Variants in ATP2B4 observed in about 807,000 individuals in gnomAD.
ATP2B4 encodes ATPase plasma membrane Ca2+ transporting 4.
In ATP2B4, 39 loss-of-function variants were observed where a neutral mutation model predicts 110.3. The observed-to-expected ratio is 0.35, with a 90% CI of 0.27 to 0.46. ATP2B4 has a LOEUF of 0.46. Among genes scored for constraint, ATP2B4 ranks in the 20% least tolerant of loss-of-function variants. ATP2B4 has a pLI of 1.00. For missense variants in ATP2B4, 1,135 were observed against 1,530.9 expected (o/e 0.74, Z 4.32); for synonymous variants, 538 against 571.7 (o/e 0.94, Z 0.84).
chr1:203,657,042 A>G lies in ATP2B4; in HGVS notation c.-464-25700A>G, dbSNP rs773399552. ...TAACCTGAGCATATTTTCTCCAAAT[A>G]ACTTTGCCTCCTTGTGTCACAAGGC... On this transcript the variant is annotated intron_variant, in intron 1 of 20. Transcript: ENST00000357681. 3.5e-5 allele frequency: 28 copies of G among 791,224 alleles called. No individual in the cohort carries two copies. The Admixed American group carries it at 4.5e-4, about 13-fold the overall frequency. The allele number at this position is 791,224 out of a possible 1,614,324, so 49.0% of individuals were successfully genotyped here.
Position 203,740,084 on chromosome 1 carries a change from G to T in ATP2B4, c.*230G>T. ...CGGGACCCAGTCAAACCCCATTCAG[G>T]TCATGGTAGAATCTACTCCTTGGTA... is the stretch of plus-strand genomic sequence containing the variant. On this transcript the variant is annotated 3_prime_UTR_variant, in exon 21 of 21. Transcript: ENST00000357681. 3.7e-6 allele frequency: 2 copies of T among 535,448 alleles called. 1 individual carries two copies. The highest frequency in any genetic ancestry group is 5.2e-5 in the South Asian group (2 of 38,432). 33.2% of individuals were successfully genotyped at this position (535,448 alleles called of 1,614,324 possible).
At chr1:203,691,478 A>C (rs900984471) in intron 2 of ATP2B4, among the ~76,000 whole-genome samples, 1 of 152,098 alleles carries the variant, frequency 6.6e-6, no homozygotes, top group African/African-American at 2.4e-5. Context: ...CTCTAGGGAG[A>C]CTTTTTTCCC....
Position 203,629,095 on chromosome 1 carries a change from T to C in ATP2B4, c.-465+1876T>C, listed in dbSNP as rs149198158. On this transcript the variant is annotated intron_variant, in intron 1 of 20. Coordinates refer to ENST00000357681, the MANE Select transcript of ATP2B4 (RefSeq NM_001684.5). The surrounding 1 kb of genome is among the most constrained non-coding windows in gnomAD (Gnocchi z 4.6). ...AGTAAAACACTTAGAGGAGAGCTCA[T>C]CTCGGGGCTGGGGATGCAACAGGAA... Among the ~76,000 whole-genome samples, 8 of 152,040 alleles carry C rather than the reference T, an allele frequency of 5.3e-5. No homozygotes were observed. The highest frequency in any genetic ancestry group is 1.9e-4 in the African/African-American group (8 of 41,476).
At chr1:203,653,419 C>T (rs554536252) in intron 1 of ATP2B4, among the ~76,000 whole-genome samples, 22 of 152,174 alleles carry the variant, frequency 1.4e-4, no homozygotes, top group South Asian at 2.1e-4. Flanking sequence ...TAATTGGTGA[C>T]AGTGGCTATG....
chr1:203,647,529 C>T (rs1201852700), intron 1 of ATP2B4, among the ~76,000 whole-genome samples: 2 of 152,140 alleles, frequency 1.3e-5, no homozygotes, highest in East Asian at 1.9e-4. Context: ...GGAGGCAAAG[C>T]GGGAGAATTG....
intron 1 of ATP2B4, among the ~76,000 whole-genome samples, chr1:203,663,881 G>A (rs1001950063): frequency 6.6e-6 from 1 of 152,158 alleles, no homozygotes; most frequent in African/African-American, 2.4e-5. Context: ...TGGGATTACA[G>A]GCATGAGCCA....
chr1:203,696,879 T>C lies in ATP2B4; in HGVS notation c.194-1278T>C, dbSNP rs1407527211. On this transcript the variant is annotated intron_variant, in intron 2 of 20. Transcript: ENST00000357681. The stretch of plus-strand genomic sequence containing the variant: ...TAAGGTGTGTGATGTGAGTGGTGTA[T>C]GTGGTTTGTGGTGTGTATGTGTCTG... Among the ~76,000 whole-genome samples the C allele has an allele frequency of 2.0e-5, 3 of 152,112 alleles. No homozygotes were observed. The East Asian group carries it at 5.8e-4, about 29-fold the overall frequency.
At chr1:203,723,258 C>CT (rs538318448) in intron 18 of ATP2B4, among the ~76,000 whole-genome samples, 26,916 of 138,566 alleles carry the variant, frequency 0.19, 2,570 homozygotes, top group South Asian at 0.3. Flanking sequence ...TCCTCAATTC[C>CT]TTTTTTTTTT....
At chr1:203,719,245 A>AAAAAAAAAG (rs1558050066) in intron 15 of ATP2B4, among the ~76,000 whole-genome samples, 10 of 98,858 alleles carry the variant, frequency 1.0e-4, no homozygotes, top group African/African-American at 3.5e-4. Flanking sequence ...AAAAAAAAAA[A>AAAAAAAAAG]GCAAGAGAGA....
intron 1 of ATP2B4, among the ~76,000 whole-genome samples, chr1:203,661,994 G>A (rs989864871): frequency 4.6e-5 from 7 of 150,888 alleles, no homozygotes; most frequent in African/African-American, 1.7e-4. Flanking sequence ...TTATTTTACT[G>A]TGATAAAATA....
chr1:203,653,920 G>T (rs1664072422), intron 1 of ATP2B4, among the ~76,000 whole-genome samples: 1 of 149,374 alleles, frequency 6.7e-6, no homozygotes, highest in Non-Finnish European at 1.5e-5. Context: ...AAACAACAAA[G>T]CTTGGATGAC....
chr1:203,702,169 C>A, intron 7 of ATP2B4, 90 bp downstream of exon 7: 1 of 1,507,598 alleles, frequency 6.6e-7, no homozygotes, highest in Non-Finnish European at 9.2e-7. Flanking sequence ...CTTTTCCTCT[C>A]CATAAATCTG....
At chr1:203,667,189 C>T (rs540300746) in intron 1 of ATP2B4, among the ~76,000 whole-genome samples, 2 of 152,208 alleles carry the variant, frequency 1.3e-5, no homozygotes, top group East Asian at 1.9e-4. Flanking sequence ...TGGATTCAAG[C>T]AATCTGCCCA....
chr1:203,634,944 A>C (rs1337545465), intron 1 of ATP2B4, among the ~76,000 whole-genome samples: 1 of 152,050 alleles, frequency 6.6e-6, no homozygotes, highest in Non-Finnish European at 1.5e-5. Context: ...GATTACAGGC[A>C]TGAACCACCG....
intron 1 of ATP2B4, among the ~76,000 whole-genome samples, chr1:203,669,121 G>T (rs1397630835): frequency 6.6e-6 from 1 of 152,154 alleles, no homozygotes. Context: ...TTTTGCCTTG[G>T]AGGTTGAAGT....
intron 1 of ATP2B4, among the ~76,000 whole-genome samples, chr1:203,648,614 G>A (rs76027101): frequency 0.024 from 3,648 of 152,234 alleles, 150 homozygotes; most frequent in East Asian, 0.18. Flanking sequence ...GCACCTGTTC[G>A]GTGCAGGATC....
chr1:203,698,246 G>A lies in ATP2B4; in HGVS notation c.283G>A (p.Glu95Lys). 6.2e-7 allele frequency: 1 copy of A among 1,614,214 alleles called. No individual in the cohort carries two copies. Among genetic ancestry groups the A allele is most frequent in the Non-Finnish European group, 8.5e-7 (1 of 1,180,038 alleles). Residue 95 changes from glutamate to lysine, a missense_variant, in exon 3 of 21, where the codon GAA becomes AAA. By Grantham distance (56) the Glu-to-Lys change is moderately conservative (BLOSUM62 1). Coordinates refer to ENST00000357681, the MANE Select transcript of ATP2B4 (RefSeq NM_001684.5). ...CCCCAAAAAGCCCAAGACTTTCTTA[G>A]AATTAGTGTGGGAAGCTCTTCAAGA... ...IPPKKPKTFLELVWEALQDVT... is the reference protein window; with the variant it reads ...IPPKKPKTFLKLVWEALQDVT...
intron 1 of ATP2B4, among the ~76,000 whole-genome samples, chr1:203,647,617 A>T (rs1663842769): frequency 1.3e-5 from 2 of 151,628 alleles, no homozygotes; most frequent in African/African-American, 4.9e-5. Flanking sequence ...AAATTAGCTG[A>T]GCGTGGTAGT....
chr1:203,696,097 T>C (rs930805147), intron 2 of ATP2B4, among the ~76,000 whole-genome samples: 3 of 152,068 alleles, frequency 2.0e-5, no homozygotes, highest in South Asian at 2.1e-4. Flanking sequence ...GCTAATTTTT[T>C]TGTATTTTTA....
Sources: allele counts gnomAD v4.1 joint callset (sites outside exome capture counted in the v4.1 genomes callset), GRCh38; gene constraint gnomAD v4.1.1; non-coding constraint Gnocchi (gnomAD v3.1); transcripts MANE v1.5; gene names NCBI Gene and HGNC (gene_info 2026-07-23, HGNC 2026-07-21).